CEPT1: variants seen among roughly 807,000 people sequenced by gnomAD.
CEPT1 encodes choline/ethanolamine phosphotransferase 1, also known as choline/ethanolaminephosphotransferase 1.
CEPT1 carries 7 observed loss-of-function variants against 42.6 expected under a neutral mutation model. That is an observed-to-expected ratio of 0.16 (90% CI 0.09 to 0.31). CEPT1 has a LOEUF of 0.31. CEPT1 is among the 10% of genes least tolerant of loss of function. CEPT1 has a pLI of 1.00. For synonymous variants in CEPT1, 171 were observed against 171.9 expected (o/e 0.99, Z 0.04); for missense variants, 306 against 502.1 (o/e 0.61, Z 3.73).
Position 111,147,949 on chromosome 1 carries a change from G to A in CEPT1, c.235G>A (p.Val79Ile). The A allele has an allele frequency of 1.2e-6, 2 of 1,614,140 alleles. No individual in the cohort carries two copies. The highest frequency in any genetic ancestry group is 1.7e-6 in the Non-Finnish European group (2 of 1,180,010). Residue 79 changes from valine (V) to isoleucine (I), a missense_variant, in exon 2 of 9, where the codon GTT (valine) becomes ATT (isoleucine). Physicochemically the swap from Val to Ile is conservative, Grantham distance 29. Around this residue, in one of 2 missense-constraint regions of CEPT1, gnomAD observed 253 missense variants for 447.3 expected, o/e 0.57. Coordinates refer to ENST00000357172, the MANE Select transcript of CEPT1 (RefSeq NM_006090.5). ...QGYWEWLVRR[V>I]PSWIAPNLIT... ...GTATTGGGAATGGCTCGTTAGAAGA[G>A]TTCCCTCCTGGATTGCCCCAAATCT...
At chr1:111,161,343 A>G in intron 4 of CEPT1, 47 bp downstream of exon 4, 1 of 1,520,626 alleles carries the variant, frequency 6.6e-7, no homozygotes, top group Non-Finnish European at 8.9e-7. Context: ...TCACATATGG[A>G]GAATGTTGCC....
intron 1 of CEPT1, among the ~76,000 whole-genome samples, chr1:111,146,935 C>T (rs1333062230): frequency 6.7e-6 from 1 of 149,978 alleles, no homozygotes; most frequent in Non-Finnish European, 1.5e-5. Context: ...GAAGTTTTGT[C>T]TTTTGGTTTA....
At position 111,177,168 on chromosome 1, in the gene CEPT1, T is replaced by C. The variant is rs116134596; in HGVS notation, c.714+2205T>C. On this transcript the variant is annotated intron_variant, in intron 5 of 8. Coordinates refer to ENST00000357172, the MANE Select transcript of CEPT1 (RefSeq NM_006090.5). ...TTAGTTCTTGGCCCCATGTCGGGCA[T>C]TGGGGAGAACCTGTTGTTGGAATGT... is the stretch of plus-strand genomic sequence containing the variant. Among the ~76,000 whole-genome samples, 311 of 152,302 alleles carry C rather than the reference T, an allele frequency of 2.0e-3. 2 individuals are homozygous for C. The highest frequency in any genetic ancestry group is 7.2e-3 in the African/African-American group (300 of 41,558).
chr1:111,168,943 C>T (rs1037916976), intron 4 of CEPT1, among the ~76,000 whole-genome samples: 6 of 152,166 alleles, frequency 3.9e-5, no homozygotes, highest in African/African-American at 7.2e-5. Context: ...TGCAGGGATA[C>T]TCAGGTTCCT....
Position 111,182,356 on chromosome 1 carries a change from T to C in CEPT1, c.846+38T>C, listed in dbSNP as rs751769101. 2.5e-6 allele frequency: 4 copies of C among 1,591,628 alleles called. No individual in the cohort carries two copies. The Admixed American group carries it at 7.2e-5, about 29-fold the overall frequency. Reference sequence around the variant, plus strand: ...TAAGATTTTCAACACTTGTTTACACTAGGACTTGGTTTTGTTGTCATTTTG... The same window carrying C: ...TAAGATTTTCAACACTTGTTTACACCAGGACTTGGTTTTGTTGTCATTTTG... On this transcript the variant is annotated intron_variant, in intron 6 of 8. Transcript: ENST00000357172.
chr1:111,156,810 A>G (rs1384872233), intron 2 of CEPT1, among the ~76,000 whole-genome samples: 1 of 152,192 alleles, frequency 6.6e-6, no homozygotes, highest in African/African-American at 2.4e-5. Flanking sequence ...TATGTATGTA[A>G]AATCTTCAGT....
intron 4 of CEPT1, among the ~76,000 whole-genome samples, chr1:111,173,514 CTCTGT>C (rs140773115): frequency 0.1 from 15,782 of 152,012 alleles, 1,047 homozygotes; most frequent in East Asian, 0.3. Context: ...GAAATGGAGG[CTCTGT>C]TCTGTTCTGG....
chr1:111,141,035 A>G (rs1654498619), intron 1 of CEPT1, among the ~76,000 whole-genome samples: 1 of 152,212 alleles, frequency 6.6e-6, no homozygotes, highest in Non-Finnish European at 1.5e-5. Flanking sequence ...ATTTTGCATC[A>G]TTAGTATTGA....
chr1:111,171,890 C>T (rs1656434625), intron 4 of CEPT1, among the ~76,000 whole-genome samples: 1 of 152,200 alleles, frequency 6.6e-6, no homozygotes, highest in South Asian at 2.1e-4. Context: ...AGGCATGCGC[C>T]ACCACACCTG....
rs75410522 is a variant in CEPT1 at position 111,140,270 on chromosome 1, G to C, written c.-111G>C. On this transcript the variant is annotated 5_prime_UTR_variant, in exon 1 of 9. Coordinates refer to ENST00000357172, the MANE Select transcript of CEPT1 (RefSeq NM_006090.5). ...TCAGTCACCCAGTCGGCTGGAGTCG[G>C]AGGCGATATTTCTAGGGGTGTACTT... is the stretch of plus-strand genomic sequence containing the variant. 0.024 allele frequency: 3,604 copies of C among 152,540 alleles called. 146 individuals carry two copies. Among genetic ancestry groups the C allele is most frequent in the African/African-American group, 0.081 (3,369 of 41,582 alleles). 9.4% of individuals were successfully genotyped at this position (152,540 alleles called of 1,614,324 possible).
chr1:111,139,676 G>A (rs1267216900), upstream of CEPT1: 4 of 152,376 alleles, frequency 2.6e-5, no homozygotes, highest in Non-Finnish European at 4.4e-5. Flanking sequence ...CCTGGGACCA[G>A]GAAAAGACGC....
intron 4 of CEPT1, among the ~76,000 whole-genome samples, chr1:111,163,289 A>G (rs1372260916): frequency 6.6e-6 from 1 of 152,202 alleles, no homozygotes; most frequent in African/African-American, 2.4e-5. Flanking sequence ...GCATTAAAGC[A>G]GCACCAAATT....
At chr1:111,150,142 C>T (rs891848742) in intron 2 of CEPT1, among the ~76,000 whole-genome samples, 26 of 152,080 alleles carry the variant, frequency 1.7e-4, no homozygotes, top group Non-Finnish European at 3.1e-4. Flanking sequence ...TTTTTAGCTA[C>T]GAGGTAGCTA....
intron 6 of CEPT1, 38 bp downstream of exon 6, chr1:111,182,356 TA>T (rs749137238): frequency 4.4e-6 from 7 of 1,591,508 alleles, no homozygotes; most frequent in Non-Finnish European, 5.1e-6. Flanking sequence ...TTGTTTACAC[TA>T]GGACTTGGTT....
intron 2 of CEPT1, among the ~76,000 whole-genome samples, chr1:111,149,864 A>G (rs1427110569): frequency 6.6e-6 from 1 of 152,226 alleles, no homozygotes; most frequent in African/African-American, 2.4e-5. Flanking sequence ...TCAGCCACTA[A>G]TAGTCATTTA....
chr1:111,144,935 G>A (rs1654871652), intron 1 of CEPT1, among the ~76,000 whole-genome samples: 1 of 151,982 alleles, frequency 6.6e-6, no homozygotes, highest in Admixed American at 6.6e-5. Flanking sequence ...GTTTTAATCA[G>A]TACCTTTGTG....
At chr1:111,160,500 AGAG>A (rs899855215) in intron 3 of CEPT1, 1 of 152,488 alleles carries the variant, frequency 6.6e-6, no homozygotes, top group African/African-American at 2.4e-5. Context: ...CTTATTTAGT[AGAG>A]GAGGAGAAGC....
intron 7 of CEPT1, 143 bp from the exon 8 acceptor site, chr1:111,183,319 A>T: frequency 1.1e-6 from 1 of 887,540 alleles, no homozygotes. Flanking sequence ...CGCATTTCAT[A>T]TTGTTGGGTT....
chr1:111,157,661 C>T (rs1467155806), intron 2 of CEPT1, among the ~76,000 whole-genome samples: 1 of 152,080 alleles, frequency 6.6e-6, no homozygotes, highest in Non-Finnish European at 1.5e-5. Context: ...AAGTATGGTT[C>T]CATAATCATA....
Sources: gnomAD v4.1 joint callset for allele counts (sites outside exome capture counted in the v4.1 genomes callset) on GRCh38, gnomAD v4.1.1 for gene constraint, gnomAD v4.1.1 regional missense constraint, MANE v1.5 for transcripts, NCBI Gene and HGNC (gene_info 2026-07-23, HGNC 2026-07-21) for gene names.